Variants in SYN3 observed in about 807,000 individuals in gnomAD.
SYN3 encodes synapsin III, also known as synapsin-3.
A neutral mutation model predicts 65.8 loss-of-function variants in SYN3; 35 were observed. That is an observed-to-expected ratio of 0.53 (90% CI 0.41 to 0.70). The LOEUF is 0.70. Among genes scored for constraint, SYN3 ranks in the 30% least tolerant of loss-of-function variants. SYN3 has a pLI of 0.00. For missense variants in SYN3, 680 were observed against 749.0 expected (o/e 0.91, Z 1.08); for synonymous variants, 270 against 292.9 (o/e 0.92, Z 0.80).
intron 7 of SYN3, among the ~76,000 whole-genome samples, chr22:32,582,702 G>A (rs1278204073): frequency 6.6e-6 from 1 of 151,990 alleles, no homozygotes; most frequent in Admixed American, 6.6e-5. Flanking sequence ...ATTTTTAAGG[G>A]GCTCCCAGGT....
intron 3 of SYN3, among the ~76,000 whole-genome samples, chr22:32,955,058 G>A (rs1244533272): frequency 3.3e-5 from 5 of 150,538 alleles, no homozygotes; most frequent in Non-Finnish European, 7.4e-5. Flanking sequence ...TGCAGACCTC[G>A]CCTTCTTGTT....
intron 6 of SYN3, among the ~76,000 whole-genome samples, chr22:32,743,087 A>G (rs913666675): frequency 6.6e-6 from 1 of 152,240 alleles, no homozygotes; most frequent in African/African-American, 2.4e-5. Flanking sequence ...AGACTGCTCC[A>G]ATTACCAATC....
chr22:32,651,942 A>C (rs773873430), intron 6 of SYN3, among the ~76,000 whole-genome samples: 1 of 152,186 alleles, frequency 6.6e-6, no homozygotes, highest in Non-Finnish European at 1.5e-5. Context: ...CCAGGGATGC[A>C]TCTAATCCTA....
At chr22:32,753,594 G>A (rs1011863289) in intron 6 of SYN3, among the ~76,000 whole-genome samples, 7 of 152,200 alleles carry the variant, frequency 4.6e-5, no homozygotes, top group Non-Finnish European at 8.8e-5. Flanking sequence ...TCTGGCTTCC[G>A]AGGTTTCCAC....
chr22:32,761,930 G>A (rs530952297), intron 6 of SYN3, among the ~76,000 whole-genome samples: 8 of 152,264 alleles, frequency 5.3e-5, no homozygotes, highest in South Asian at 4.2e-4. Flanking sequence ...ACCTGAAAAC[G>A]GGGTCCTGCG....
chr22:33,034,699 C>T (rs2053820759), intron 1 of SYN3, among the ~76,000 whole-genome samples: 2 of 152,138 alleles, frequency 1.3e-5, no homozygotes, highest in South Asian at 2.1e-4. Context: ...CCTCACACAA[C>T]CCCGTAAAGC....
At chr22:32,993,635 T>C (rs2052790938) in intron 2 of SYN3, among the ~76,000 whole-genome samples, 1 of 152,214 alleles carries the variant, frequency 6.6e-6, no homozygotes, top group Non-Finnish European at 1.5e-5. Context: ...TGAGCCACCA[T>C]GCCCGGCCCA....
intron 1 of SYN3, among the ~76,000 whole-genome samples, chr22:33,022,276 C>G (rs1301130442): frequency 6.6e-6 from 1 of 152,194 alleles, no homozygotes; most frequent in Admixed American, 6.5e-5. Flanking sequence ...ACAACATAAC[C>G]TGGGCTTTAG....
At chr22:32,980,555 A>T in intron 3 of SYN3, 90 bp downstream of exon 3, 1 of 1,198,830 alleles carries the variant, frequency 8.3e-7, no homozygotes, top group Non-Finnish European at 1.2e-6. Flanking sequence ...CATTATGACC[A>T]CATAAGATGG....
At chr22:32,782,548 C>T (rs1346090084) in intron 6 of SYN3, among the ~76,000 whole-genome samples, 1 of 143,378 alleles carries the variant, frequency 7.0e-6, no homozygotes, top group Non-Finnish European at 1.5e-5. Context: ...GACAGAGTCT[C>T]GTACTGTCTC....
intron 6 of SYN3, among the ~76,000 whole-genome samples, chr22:32,691,112 C>T (rs947436548): frequency 3.1e-4 from 47 of 152,266 alleles, no homozygotes; most frequent in African/African-American, 9.6e-4. Context: ...TCCTACAGAA[C>T]GTCACTCCTC....
chr22:32,795,496 T>C (rs1336182398), intron 6 of SYN3, among the ~76,000 whole-genome samples: 3 of 152,142 alleles, frequency 2.0e-5, no homozygotes, highest in Non-Finnish European at 2.9e-5. Flanking sequence ...GAGGAGGCCA[T>C]AGGATCTCTA....
At chr22:32,860,779 G>A (rs2048512736) in intron 6 of SYN3, 1 of 152,118 alleles carries the variant, frequency 6.6e-6, no homozygotes, top group Non-Finnish European at 1.5e-5. Context: ...CCTGGGTGTG[G>A]AGACAGCTTG....
intron 3 of SYN3, among the ~76,000 whole-genome samples, chr22:32,970,953 T>C (rs1467904005): frequency 6.6e-6 from 1 of 152,244 alleles, no homozygotes; most frequent in Non-Finnish European, 1.5e-5. Flanking sequence ...AATCCCATCT[T>C]CACTGCATTC....
intron 6 of SYN3, among the ~76,000 whole-genome samples, chr22:32,711,187 C>G (rs1001171927): frequency 6.6e-6 from 1 of 152,212 alleles, no homozygotes. Context: ...CAGCCCATAA[C>G]AGCTGGGTGG....
intron 6 of SYN3, among the ~76,000 whole-genome samples, chr22:32,778,537 A>G (rs1421902307): frequency 2.0e-5 from 3 of 152,124 alleles, no homozygotes; most frequent in Admixed American, 6.6e-5. Flanking sequence ...TGTGATCCAC[A>G]CACCTTGGCC....
chr22:32,668,143 C>T (rs935645750), intron 6 of SYN3, among the ~76,000 whole-genome samples: 2 of 152,252 alleles, frequency 1.3e-5, no homozygotes, highest in Non-Finnish European at 2.9e-5. Context: ...TATACAAGGA[C>T]ACTTTTACCA....
At chr22:32,841,695 A>AG (rs130304) in intron 6 of SYN3, among the ~76,000 whole-genome samples, 151,555 of 151,556 alleles carry the variant, frequency 1, 75,777 homozygotes, top group Middle Eastern at 1. Context: ...TGGGTGGGGT[A>AG]GGGGAGGGAG....
At chr22:32,548,623 C>T (rs774387961) in intron 7 of SYN3, among the ~76,000 whole-genome samples, 14 of 151,806 alleles carry the variant, frequency 9.2e-5, no homozygotes, top group Admixed American at 2.0e-4. Flanking sequence ...CCGCCCGCCT[C>T]GGCCTCCCAA....
Sources: gnomAD v4.1 joint callset for allele counts (sites outside exome capture counted in the v4.1 genomes callset) on GRCh38, gnomAD v4.1.1 for gene constraint, MANE v1.5 for transcripts, NCBI Gene and HGNC (gene_info 2026-07-23, HGNC 2026-07-21) for gene names.